Variants in GK observed in about 807,000 individuals in gnomAD.
The protein encoded by GK is ATP:glycerol 3-phosphotransferase.
In GK, 9 loss-of-function variants were observed where a neutral mutation model predicts 56.4. The ratio of observed to expected loss-of-function variants is 0.16; its 90% confidence interval spans 0.10 to 0.28. The LOEUF is 0.28. Among genes scored for constraint, GK ranks in the 10% least tolerant of loss-of-function variants. GK has a pLI of 1.00. For synonymous variants in GK, 104 were observed against 144.1 expected, an observed-to-expected ratio of 0.72 and a Z score of 1.99; for missense variants, 161 against 431.4, an observed-to-expected ratio of 0.37 and a Z score of 5.55.
At position 30,699,267 on chromosome X, in the gene GK, TAACATGTATATATAC is replaced by T. The variant is rs1392177965; in HGVS notation, c.748-1139_748-1125del. Among the ~76,000 whole-genome samples the T allele has an allele frequency of 5.7e-3, 492 of 86,015 alleles. 4 individuals carry two copies. The highest frequency in any genetic ancestry group is 0.018 in the African/African-American group (468 of 25,637). 74.7% of individuals were successfully genotyped at this position (86,015 alleles called of 115,157 possible). On this transcript the variant is annotated intron_variant, in intron 9 of 20. Transcript: ENST00000427190. The stretch of plus-strand genomic sequence containing the variant: ...ACATGTTATATATACATGTTATGTA[TAACATGTATATATAC>T]AACATGTTATACATAACATGTATAT...
chrX:30,653,792 GA>G, intron 1 of GK, among the ~76,000 whole-genome samples, 177 bp downstream of exon 1: 1 of 112,750 alleles, frequency 8.9e-6, no homozygotes, highest in Middle Eastern at 4.6e-3. Context: ...AGGCCTGGGG[GA>G]CCTCGGCCTC....
At chrX:30,688,710 C>T (rs1934761496) in intron 4 of GK, among the ~76,000 whole-genome samples, 1 of 111,282 alleles carries the variant, frequency 9.0e-6, no homozygotes, top group Non-Finnish European at 1.9e-5. Flanking sequence ...TAGGAAAGAA[C>T]CACTGCCGTG....
intron 3 of GK, among the ~76,000 whole-genome samples, chrX:30,670,271 T>C (rs1014767931): frequency 1.8e-5 from 2 of 112,346 alleles, no homozygotes; most frequent in Non-Finnish European, 3.8e-5. Context: ...TGATTGACCA[T>C]GGCTTTGACA....
At chrX:30,728,704 C>T (rs1396713749) in intron 20 of GK, 28 bp from the exon 21 acceptor site, 1 of 1,055,661 alleles carries the variant, frequency 9.5e-7, no homozygotes, top group South Asian at 1.9e-5. Context: ...GTATTATTGA[C>T]ATATATGGTT....
intron 11 of GK, among the ~76,000 whole-genome samples, chrX:30,701,885 T>C (rs1367155528): frequency 8.9e-6 from 1 of 112,047 alleles, no homozygotes. Context: ...TCAAGGAGCT[T>C]GCCTAAGGTC....
chrX:30,710,526 C>G (rs1370231045), intron 13 of GK, among the ~76,000 whole-genome samples: 1 of 111,318 alleles, frequency 9.0e-6, no homozygotes, highest in South Asian at 3.7e-4. Flanking sequence ...ACTGGTAAAA[C>G]TTTTTATCAG....
chrX:30,723,657 C>G (rs1270149728), intron 18 of GK: 1 of 162,617 alleles, frequency 6.1e-6, no homozygotes, highest in African/African-American at 3.1e-5. Flanking sequence ...GAGTCTTGCT[C>G]TGTCACCCAG....
intron 13 of GK, among the ~76,000 whole-genome samples, chrX:30,717,453 T>A (rs1936684753): frequency 9.0e-6 from 1 of 110,954 alleles, no homozygotes; most frequent in Non-Finnish European, 1.9e-5. Flanking sequence ...TAGAACATTG[T>A]CACCACCCCA....
chrX:30,679,177 G>A (rs938054096), intron 4 of GK, among the ~76,000 whole-genome samples: 5 of 109,496 alleles, frequency 4.6e-5, no homozygotes, highest in African/African-American at 1.7e-4. Context: ...ATGAAAGGAA[G>A]AGCCTACTCA....
At chrX:30,713,163 A>G (rs1383514466) in intron 13 of GK, among the ~76,000 whole-genome samples, 1 of 111,470 alleles carries the variant, frequency 9.0e-6, no homozygotes, top group Admixed American at 9.5e-5. Flanking sequence ...ATCCCTACAC[A>G]AGTAAGAGAG....
chrX:30,677,512 A>T, intron 4 of GK, 60 bp downstream of exon 4: 1 of 679,746 alleles, frequency 1.5e-6, no homozygotes, highest in Admixed American at 2.2e-5. Context: ...AAATGTGGTC[A>T]TATTAAAATA....
At chrX:30,653,805 C>T (rs1932029077) in intron 1 of GK, among the ~76,000 whole-genome samples, 190 bp downstream of exon 1, 1 of 112,647 alleles carries the variant, frequency 8.9e-6, no homozygotes, top group African/African-American at 3.2e-5. Context: ...CTCGGCCTCT[C>T]ATGACCCCCA....
chrX:30,697,778 C>A (rs1218570696), intron 9 of GK, 29 bp downstream of exon 9: 3 of 1,101,615 alleles, frequency 2.7e-6, no homozygotes, highest in Non-Finnish European at 3.8e-6. Flanking sequence ...AATTATGTAC[C>A]CATTCATTTG....
At chrX:30,654,457 T>C (rs1932089495) in intron 1 of GK, among the ~76,000 whole-genome samples, 4 of 112,290 alleles carry the variant, frequency 3.6e-5, no homozygotes. Flanking sequence ...TTAAAAGTAA[T>C]TGAGGCCGGG....
At chrX:30,683,427 T>C (rs1934401123) in intron 4 of GK, among the ~76,000 whole-genome samples, 1 of 111,072 alleles carries the variant, frequency 9.0e-6, no homozygotes, top group Non-Finnish European at 1.9e-5. Flanking sequence ...AAAACTTCTA[T>C]GTGGCCTCCT....
At chrX:30,717,480 C>T (rs979687974) in intron 13 of GK, among the ~76,000 whole-genome samples, 4 of 110,787 alleles carry the variant, frequency 3.6e-5, no homozygotes, top group African/African-American at 1.3e-4. Context: ...AACCCCATAA[C>T]CACCCCCTAT....
intron 5 of GK, among the ~76,000 whole-genome samples, chrX:30,693,099 C>T (rs2147198195): frequency 9.9e-6 from 1 of 100,692 alleles, no homozygotes; most frequent in South Asian, 4.7e-4. Context: ...TCACTGCAAG[C>T]TCCGCCTCCC....
chrX:30,714,119 G>T (rs933598129), intron 13 of GK, among the ~76,000 whole-genome samples: 1 of 111,523 alleles, frequency 9.0e-6, no homozygotes, highest in African/African-American at 3.3e-5. Context: ...TCTTTTCTTT[G>T]TTATGGTTTA....
chrX:30,657,511 T>C (rs1932385773), intron 1 of GK, among the ~76,000 whole-genome samples: 1 of 112,781 alleles, frequency 8.9e-6, no homozygotes, highest in African/African-American at 3.2e-5. Context: ...GGTAACTTAA[T>C]TTTTTCCCCA....
Sources: gnomAD v4.1 joint callset for allele counts (sites outside exome capture counted in the v4.1 genomes callset) on GRCh38, gnomAD v4.1.1 for gene constraint, MANE v1.5 for transcripts, NCBI Gene and HGNC (gene_info 2026-07-23, HGNC 2026-07-21) for gene names.